Variants in SMG6 observed in about 807,000 individuals in gnomAD.
The protein encoded by SMG6 is SMG6 nonsense mediated mRNA decay factor.
Under a neutral mutation model 142.2 loss-of-function variants are expected in SMG6, and 66 were observed. The observed-to-expected ratio is 0.46, with a 90% CI of 0.38 to 0.57. The LOEUF is 0.57. Among genes scored for constraint, SMG6 ranks in the 20% least tolerant of loss-of-function variants. The probability of loss-of-function intolerance (pLI) is 0.00; values close to 1 mark genes in which losing one functional copy is unlikely to be tolerated. For synonymous variants in SMG6, 779 were observed against 702.4 expected (o/e 1.11, Z -1.72); for missense variants, 1,793 against 1,832.0 (o/e 0.98, Z 0.39).
At chr17:2,123,506 A>T (rs977960208) in intron 13 of SMG6, among the ~76,000 whole-genome samples, 3 of 152,280 alleles carry the variant, frequency 2.0e-5, no homozygotes, top group Non-Finnish European at 4.4e-5. Flanking sequence ...TGAAACCCCA[A>T]TCCCTAACTG....
At chr17:2,115,869 G>A (rs1012079350) in intron 13 of SMG6, among the ~76,000 whole-genome samples, 4 of 151,848 alleles carry the variant, frequency 2.6e-5, no homozygotes, top group Non-Finnish European at 5.9e-5. Context: ...ACCATGCCAG[G>A]GTAATTATTT....
chr17:2,300,563 T>G lies in SMG6; in HGVS notation c.190A>C (p.Lys64Gln), dbSNP rs761064868. 6.2e-7 allele frequency: 1 copy of G among 1,613,988 alleles called. No individual in the cohort carries two copies. Among genetic ancestry groups the G allele is most frequent in the Non-Finnish European group, 8.5e-7 (1 of 1,179,974 alleles). Reference sequence around the variant, plus strand: ...TCACTCCCAGGGGGTTCCTTGATTTTGGGCTTGTTCCTTAGCCGAGAAAGG... The same window carrying G: ...TCACTCCCAGGGGGTTCCTTGATTTGGGGCTTGTTCCTTAGCCGAGAAAGG... ...PGLSRLRNKP[K>Q]IKEPPGSEEF... Residue 64 changes from lysine (K) to glutamine (Q), a missense_variant, in exon 2 of 19, where the codon AAA becomes CAA. Lys to Gln is a moderately conservative substitution (Grantham distance 53). Coordinates refer to ENST00000263073, the MANE Select transcript of SMG6 (RefSeq NM_017575.5).
chr17:2,131,512 G>C (rs2760746), intron 13 of SMG6, among the ~76,000 whole-genome samples: 52,759 of 151,864 alleles, frequency 0.35, 9,917 homozygotes, highest in African/African-American at 0.49. Context: ...ATAGGCCAGG[G>C]TGGTCTTGAA....
At chr17:2,224,445 T>A (rs974353274) in intron 10 of SMG6, among the ~76,000 whole-genome samples, 9 of 152,146 alleles carry the variant, frequency 5.9e-5, no homozygotes, top group South Asian at 2.1e-4. Context: ...AAATAAAAAA[T>A]TTATTAAAAT....
chr17:2,254,590 C>G (rs927911201), intron 8 of SMG6, among the ~76,000 whole-genome samples: 1 of 152,172 alleles, frequency 6.6e-6, no homozygotes, highest in Non-Finnish European at 1.5e-5. Flanking sequence ...CCACCTCGGG[C>G]TCCCAAAGTG....
At chr17:2,118,593 G>A (rs1215219666) in intron 13 of SMG6, among the ~76,000 whole-genome samples, 2 of 149,054 alleles carry the variant, frequency 1.3e-5, no homozygotes, top group Admixed American at 6.7e-5. Flanking sequence ...GCTAAATCTA[G>A]ATAGCTTTTT....
intron 6 of SMG6, among the ~76,000 whole-genome samples, chr17:2,283,995 G>C (rs926052861): frequency 6.6e-6 from 1 of 152,114 alleles, no homozygotes; most frequent in Non-Finnish European, 1.5e-5. Context: ...GAATAAACAG[G>C]CTCTTAAAAT....
chr17:2,078,813 T>C (rs2068330996), intron 15 of SMG6, among the ~76,000 whole-genome samples: 1 of 152,068 alleles, frequency 6.6e-6, no homozygotes, highest in African/African-American at 2.4e-5. Context: ...AAGGGGTCAT[T>C]CATCGATGCT....
At chr17:2,120,985 G>A (rs1356795882) in intron 13 of SMG6, among the ~76,000 whole-genome samples, 2 of 152,052 alleles carry the variant, frequency 1.3e-5, no homozygotes, top group African/African-American at 2.4e-5. Context: ...AAAAAAGCGG[G>A]GGGCAAAAAA....
intron 10 of SMG6, among the ~76,000 whole-genome samples, chr17:2,204,965 T>C (rs1364931377): frequency 2.6e-5 from 4 of 151,970 alleles, no homozygotes; most frequent in Admixed American, 2.0e-4. Context: ...TCTGCCTTAA[T>C]AGTAACATAG....
intron 10 of SMG6, among the ~76,000 whole-genome samples, chr17:2,202,441 A>G (rs1490463873): frequency 6.6e-6 from 1 of 152,148 alleles, no homozygotes; most frequent in African/African-American, 2.4e-5. Flanking sequence ...AGTCTCAGCT[A>G]TTTAGGAGGC....
chr17:2,302,776 G>A (rs2075312178), intron 1 of SMG6, among the ~76,000 whole-genome samples: 1 of 150,446 alleles, frequency 6.6e-6, no homozygotes, highest in Non-Finnish European at 1.5e-5. Flanking sequence ...TTTAACCCAA[G>A]AATAGCTCAC....
rs146229263 is a variant in SMG6, at chr17:2,196,530, G to A, written c.2870-8015C>T. ...TAGAGATGCCAGTTAATTGTTTAAC[G>A]CAATTGCTATCAAAATCTTAGGAAG... is the stretch of plus-strand genomic sequence containing the variant. On this transcript the variant is annotated intron_variant, in intron 10 of 18. Coordinates refer to ENST00000263073, the MANE Select transcript of SMG6 (RefSeq NM_017575.5). Among the ~76,000 whole-genome samples, 565 of 152,306 alleles carry A rather than the reference G, an allele frequency of 3.7e-3. 5 individuals carry two copies. Among genetic ancestry groups the A allele is most frequent in the African/African-American group, 0.013 (529 of 41,568 alleles).
chr17:2,303,556 GC>G, intron 1 of SMG6, 76 bp downstream of exon 1: 1 of 1,348,764 alleles, frequency 7.4e-7, no homozygotes, highest in East Asian at 3.1e-5. Context: ...CGAGGGCCGA[GC>G]GGGGAGGAGG....
intron 8 of SMG6, chr17:2,256,215 A>G (rs1696586573): frequency 6.6e-6 from 1 of 152,614 alleles, no homozygotes; most frequent in African/African-American, 2.4e-5. Flanking sequence ...AAGAAAAAAA[A>G]AAAAGAAAAC....
chr17:2,242,356 CAAAAAAAAAA>C lies in SMG6; in HGVS notation c.2723+2292_2723+2301del, dbSNP rs57062488. Among the ~76,000 whole-genome samples the C allele has an allele frequency of 1.4e-4, 10 of 73,512 alleles. No individual in the cohort carries two copies. The East Asian group carries it at 1.8e-3, about 13-fold the overall frequency. 48.2% of individuals were successfully genotyped at this position (73,512 alleles called of 152,430 possible). A position where few individuals can be genotyped will look rare whatever the true frequency, so the allele number is the denominator to read the frequency against. On this transcript the variant is annotated intron_variant, in intron 9 of 18. Coordinates refer to ENST00000263073, the MANE Select transcript of SMG6 (RefSeq NM_017575.5). ...TAAAACCCCATCTCTACTGAAGATA[CAAAAAAAAAA>C]AAAAAAAAAAAAAATTAGTCGGGCA...
Position 2,149,821 on chromosome 17 carries a change from G to A in SMG6, c.3357+22837C>T, listed in dbSNP as rs117888820. 8.3e-4 allele frequency among the ~76,000 whole-genome samples: 127 copies of A among 152,328 alleles called. 1 individual carries two copies. The East Asian group carries it at 0.02, about 24-fold the overall frequency. On this transcript the variant is annotated intron_variant, in intron 13 of 18. Coordinates refer to ENST00000263073, the MANE Select transcript of SMG6 (RefSeq NM_017575.5). ...TTGCCTTCTATCAAAATGTAAGTCA[G>A]TGGCAAAGCACCAATTCCAACATTT...
intron 6 of SMG6, among the ~76,000 whole-genome samples, chr17:2,288,776 C>G (rs1215130504): frequency 6.6e-6 from 1 of 150,906 alleles, no homozygotes; most frequent in Non-Finnish European, 1.5e-5. Flanking sequence ...ACAAAAAATA[C>G]AAAAATTAGC....
chr17:2,068,673 C>A lies in SMG6; in HGVS notation c.3835+105G>T, dbSNP rs1416653432. 4.3e-5 allele frequency: 51 copies of A among 1,195,138 alleles called. No homozygotes were observed. Among genetic ancestry groups the A allele is most frequent in the Non-Finnish European group, 5.5e-5 (47 of 855,944 alleles). 74.0% of individuals were successfully genotyped at this position (1,195,138 alleles called of 1,614,324 possible). On this transcript the variant is annotated intron_variant, in intron 16 of 18. Coordinates refer to ENST00000263073, the MANE Select transcript of SMG6 (RefSeq NM_017575.5). The surrounding 1 kb of genome is among the most constrained non-coding windows in gnomAD (Gnocchi z 6.7). Reference sequence around the variant, plus strand: ...ACTCCCCTGCAAATCCCATCTTACACACGCACAGCAGGGCTCTGCCTGCCT... The same window carrying A: ...ACTCCCCTGCAAATCCCATCTTACAAACGCACAGCAGGGCTCTGCCTGCCT...
Sources: gnomAD v4.1 joint callset for allele counts (sites outside exome capture counted in the v4.1 genomes callset) on GRCh38, gnomAD v4.1.1 for gene constraint, Gnocchi (gnomAD v3.1) non-coding constraint, MANE v1.5 for transcripts, NCBI Gene and HGNC (gene_info 2026-07-23, HGNC 2026-07-21) for gene names.